CLPX: variants seen among roughly 807,000 people sequenced by gnomAD.
CLPX encodes the protein caseinolytic mitochondrial matrix peptidase chaperone subunit X, also known as ATP-dependent clpX-like chaperone, mitochondrial.
A neutral mutation model predicts 76.4 loss-of-function variants in CLPX; 34 were observed. That is an observed-to-expected ratio of 0.45 (90% CI 0.34 to 0.59). The LOEUF (loss-of-function observed/expected upper bound fraction) is 0.59. Among genes scored for constraint, CLPX ranks in the 20% least tolerant of loss-of-function variants. The pLI is 0.01. For synonymous variants in CLPX, 248 were observed against 270.9 expected (o/e 0.92, Z 0.83); for missense variants, 613 against 757.0 (o/e 0.81, Z 2.23).
In CLPX at chr15:65,180,182, A is replaced by G; in HGVS notation, c.102T>C (p.His34=). 6.2e-7 allele frequency: 1 copy of G among 1,604,554 alleles called. No homozygotes were observed. Among genetic ancestry groups the G allele is most frequent in the Non-Finnish European group, 8.5e-7 (1 of 1,175,022 alleles). ...AQRGISGGRI[H]MSVLGRLGTF... ...TCCCAAGCCTTCCTAAAACTGACAT[A>G]TGAATGCGACCACCAGAAATACCTG... Residue 34 remains histidine, a synonymous_variant, in exon 2 of 14, where the codon CAT becomes CAC. Transcript: ENST00000300107.
Position 65,166,811 on chromosome 15 carries a change from G to C in CLPX, c.359-26C>G, listed in dbSNP as rs368112205. ...CTGTAAAAGAAAACAGACATAAGTA[G>C]AGGGAAATAAAAAATAATTCCAATA... On this transcript the variant is annotated intron_variant, in intron 3 of 13. Transcript: ENST00000300107. The C allele has an allele frequency of 1.9e-6, 3 of 1,592,238 alleles. No homozygotes were observed. In the African/African-American group the frequency reaches 4.1e-5, roughly 22 times the overall value.
intron 2 of CLPX, 147 bp from the exon 3 acceptor site, chr15:65,179,198 A>C: frequency 3.8e-6 from 2 of 527,472 alleles, no homozygotes; most frequent in Non-Finnish European, 6.7e-6. Flanking sequence ...TAATTCTATT[A>C]CTGGTGTCAG....
At chr15:65,156,192 A>G (rs1275453597) in intron 9 of CLPX, among the ~76,000 whole-genome samples, 1 of 152,224 alleles carries the variant, frequency 6.6e-6, no homozygotes, top group Non-Finnish European at 1.5e-5. Context: ...GGAACATTCA[A>G]AATTAGAAAA....
chr15:65,156,817 G>C, intron 9 of CLPX, 27 bp downstream of exon 9: 1 of 1,479,924 alleles, frequency 6.8e-7, no homozygotes. Context: ...CTTTTAGTGG[G>C]CTTGAACAAA....
Position 65,155,646 on chromosome 15 carries a change from C to CT in CLPX, c.1311+45dup, listed in dbSNP as rs1566979230. 2.0e-6 allele frequency: 3 copies of CT among 1,495,538 alleles called. No homozygotes were observed. In the Admixed American group the frequency reaches 5.6e-5, roughly 28 times the overall value. 92.6% of individuals were successfully genotyped at this position (1,495,538 alleles called of 1,614,324 possible). A position where few individuals can be genotyped will look rare whatever the true frequency, so the allele number is the denominator to read the frequency against. ...TGAGAATGGAAACTGAGTGTACATC[C>CT]TTTAAATGCTCTCTATCCTTCTAGT... On this transcript the variant is annotated intron_variant, in intron 10 of 13. Coordinates refer to ENST00000300107, the MANE Select transcript of CLPX (RefSeq NM_006660.5).
At chr15:65,155,635 G>T in intron 10 of CLPX, 57 bp downstream of exon 10, 1 of 1,381,700 alleles carries the variant, frequency 7.2e-7, no homozygotes, top group Non-Finnish European at 1.0e-6. Context: ...AATGGAAACT[G>T]AGTGTACATC....
intron 3 of CLPX, among the ~76,000 whole-genome samples, chr15:65,168,662 G>A (rs1017706797): frequency 4.6e-5 from 7 of 151,258 alleles, no homozygotes; most frequent in South Asian, 2.1e-4. Flanking sequence ...ATGAGTTAAC[G>A]GGTGCAGCAC....
chr15:65,185,150 G>C lies in CLPX; in HGVS notation c.4C>G (p.Pro2Ala), dbSNP rs1023923088. The C allele has an allele frequency of 1.3e-6, 2 of 1,565,234 alleles. No individual in the cohort carries two copies. The highest frequency in any genetic ancestry group is 1.7e-6 in the Non-Finnish European group (2 of 1,154,714). The change falls in exon 1 of 14, where the codon CCC becomes GCC. Residue 2 changes from proline to alanine, a missense_variant. Transcript: ENST00000300107. MPSCGACTCGAA... is the reference protein window; with the variant it reads MASCGACTCGAA... Reference sequence around the variant, plus strand: ...CCGCAAGTACAAGCACCGCAGCTGGGCATCTCCGCGAGGCCTAGGCCGGGG... The same window carrying C: ...CCGCAAGTACAAGCACCGCAGCTGGCCATCTCCGCGAGGCCTAGGCCGGGG...
Position 65,154,864 on chromosome 15 carries a change from T to C in CLPX, c.1529A>G (p.Asp510Gly), listed in dbSNP as rs2087766605. 1 of 1,614,052 alleles carries C rather than the reference T, an allele frequency of 6.2e-7. No homozygotes were observed. The highest frequency in any genetic ancestry group is 1.1e-5 in the South Asian group (1 of 91,088). The change falls in exon 11 of 14, where the codon GAT (aspartate) becomes GGT (glycine). Residue 510 changes from aspartate (D) to glycine (G), a missense_variant. This residue lies in a region of CLPX where 450 missense variants were observed against 638.6 expected (regional missense o/e 0.70). Transcript: ENST00000300107. ...TAATATTTGTACAAGTGTTTTCTCA[T>C]CTAGGCTATGCAATGGAACCACCAC... ...LPVVVPLHSL[D>G]EKTLVQILTE...
Position 65,155,749 on chromosome 15 carries a change from C to A in CLPX, c.1254G>T (p.Val418=), listed in dbSNP as rs1264315964. 1 of 1,613,914 alleles carries A rather than the reference C, an allele frequency of 6.2e-7. No individual in the cohort carries two copies. The highest frequency in any genetic ancestry group is 8.5e-7 in the Non-Finnish European group (1 of 1,179,878). The change falls in exon 10 of 14, where the codon GTG becomes GTT. Residue 418 remains valine, a synonymous_variant. Coordinates refer to ENST00000300107, the MANE Select transcript of CLPX (RefSeq NM_006660.5). ...CTAAACCATTGAAAGCACCAGATGC[C>A]ACAAACAGGATGTTTGTTGTATCAA... is the stretch of plus-strand genomic sequence containing the variant. ...VQVDTTNILF[V]ASGAFNGLDR...
chr15:65,157,624 G>T, intron 8 of CLPX, 122 bp downstream of exon 8: 1 of 938,226 alleles, frequency 1.1e-6, no homozygotes, highest in East Asian at 2.7e-5. Context: ...ATGTAACAAA[G>T]GTACTTTTAT....
intron 12 of CLPX, among the ~76,000 whole-genome samples, chr15:65,153,148 T>TAAA (rs749248397): frequency 1.9e-4 from 26 of 137,488 alleles, no homozygotes; most frequent in Admixed American, 1.6e-3. Flanking sequence ...CTACTGTGAC[T>TAAA]AAAAAAAAAA....
rs1566977644 is a variant in CLPX at position 65,150,684 on chromosome 15, G to C, written c.*139C>G. The C allele has an allele frequency of 2.0e-6, 1 of 492,226 alleles. No homozygotes were observed. Among genetic ancestry groups the C allele is most frequent in the Non-Finnish European group, 3.6e-6 (1 of 278,290 alleles). The allele number at this position is 492,226 out of a possible 1,614,324, so 30.5% of individuals were successfully genotyped here. The stretch of plus-strand genomic sequence containing the variant: ...GATGTTACAATTATATACATGATCT[G>C]ATTCTTCTCCTAAAGGCTTCTCTGA... On this transcript the variant is annotated 3_prime_UTR_variant, in exon 14 of 14. Coordinates refer to ENST00000300107, the MANE Select transcript of CLPX (RefSeq NM_006660.5).
intron 3 of CLPX, among the ~76,000 whole-genome samples, chr15:65,167,549 G>A (rs1401380333): frequency 6.6e-6 from 1 of 151,868 alleles, no homozygotes; most frequent in Non-Finnish European, 1.5e-5. Context: ...TCCTAAAAAT[G>A]TAAAAAATGT....
At chr15:65,160,920 C>G (rs1470661164) in intron 6 of CLPX, among the ~76,000 whole-genome samples, 1 of 152,158 alleles carries the variant, frequency 6.6e-6, no homozygotes, top group East Asian at 1.9e-4. Flanking sequence ...CATGAGCAAG[C>G]AGGCTAGTGT....
intron 6 of CLPX, among the ~76,000 whole-genome samples, chr15:65,162,379 A>C (rs2087865352): frequency 6.6e-6 from 1 of 152,228 alleles, no homozygotes; most frequent in African/African-American, 2.4e-5. Context: ...TTTGATAGAA[A>C]AAATAAAAAA....
chr15:65,165,576 G>A (rs553212515), intron 4 of CLPX, among the ~76,000 whole-genome samples: 17 of 151,492 alleles, frequency 1.1e-4, no homozygotes, highest in African/African-American at 3.9e-4. Flanking sequence ...TAGTAGAGAC[G>A]GGGTTTCACC....
intron 4 of CLPX, among the ~76,000 whole-genome samples, 195 bp downstream of exon 4, chr15:65,166,436 T>C (rs537885064): frequency 6.6e-5 from 10 of 152,256 alleles, no homozygotes; most frequent in African/African-American, 2.4e-4. Context: ...ACAGTAATCA[T>C]AACATGGGAA....
intron 3 of CLPX, among the ~76,000 whole-genome samples, chr15:65,173,316 G>A (rs774254898): frequency 3.7e-4 from 54 of 145,274 alleles, no homozygotes; most frequent in Non-Finnish European, 5.8e-4. Flanking sequence ...GCAGTGAGCC[G>A]AGATAGTGCC....
Sources: allele counts gnomAD v4.1 joint callset (sites outside exome capture counted in the v4.1 genomes callset), GRCh38; gene constraint gnomAD v4.1.1; regional missense constraint gnomAD v4.1.1; transcripts MANE v1.5; gene names NCBI Gene and HGNC (gene_info 2026-07-23, HGNC 2026-07-21).